Variants in ZFHX3 observed in about 807,000 individuals in gnomAD.
ZFHX3 encodes zinc finger homeobox protein 3.
Under a neutral mutation model 279.1 loss-of-function variants are expected in ZFHX3, and 42 were observed. The ratio of observed to expected loss-of-function variants is 0.15; its 90% CI spans 0.12 to 0.19. The LOEUF is 0.19. ZFHX3 is among the 10% of genes least tolerant of loss of function. The probability of loss-of-function intolerance (pLI) is 1.00; values close to 1 mark genes in which losing one functional copy is unlikely to be tolerated. For synonymous variants in ZFHX3, 2,293 were observed against 1,957.8 expected, an observed-to-expected ratio of 1.17 and a Z score of -4.52; for missense variants, 4,981 against 4,754.0, an observed-to-expected ratio of 1.05 and a Z score of -1.40.
intron 1 of ZFHX3, among the ~76,000 whole-genome samples, chr16:73,032,904 G>T (rs1340678826): frequency 6.6e-6 from 1 of 152,178 alleles, no homozygotes; most frequent in East Asian, 1.9e-4. Context: ...TTCACCTAAT[G>T]CTCCAGTAAA....
At chr16:73,195,554 G>T (rs570085396) in intron 5 of ZFHX3, among the ~76,000 whole-genome samples, 54 of 151,930 alleles carry the variant, frequency 3.6e-4, no homozygotes, top group African/African-American at 1.3e-3. Flanking sequence ...GAGCAGCTGG[G>T]ACTACAGGCA....
chr16:73,166,168 C>T (rs753311144), intron 5 of ZFHX3, among the ~76,000 whole-genome samples: 2 of 152,126 alleles, frequency 1.3e-5, no homozygotes, highest in Non-Finnish European at 2.9e-5. Flanking sequence ...GGCTTTATCT[C>T]AAAGCTGGGT....
chr16:73,810,135 T>A (rs1176951200), intron 1 of ZFHX3, among the ~76,000 whole-genome samples: 6 of 152,172 alleles, frequency 3.9e-5, no homozygotes, highest in Non-Finnish European at 1.5e-5. Context: ...TTGCCCTAAA[T>A]CTGGGCACAG....
intron 5 of ZFHX3, among the ~76,000 whole-genome samples, chr16:73,197,117 G>A (rs1354835893): frequency 6.6e-6 from 1 of 152,130 alleles, no homozygotes; most frequent in Non-Finnish European, 1.5e-5. Flanking sequence ...CAACTTTAAT[G>A]CATTTTTCTG....
chr16:72,989,168 T>C (rs1321735062), intron 1 of ZFHX3, among the ~76,000 whole-genome samples: 2 of 148,764 alleles, frequency 1.3e-5, no homozygotes, highest in African/African-American at 5.0e-5. Context: ...AGCAAGACGC[T>C]GTCTCAAATT....
At chr16:73,491,252 C>G (rs1391117562) in intron 2 of ZFHX3, among the ~76,000 whole-genome samples, 4 of 152,208 alleles carry the variant, frequency 2.6e-5, no homozygotes, top group Admixed American at 6.5e-5. Context: ...GTTATTGTGT[C>G]GGGGGCAGAG....
chr16:72,800,224 C>T, intron 7 of ZFHX3, 95 bp from the exon 8 acceptor site: 1 of 1,037,080 alleles, frequency 9.6e-7, no homozygotes, highest in Non-Finnish European at 1.5e-6. Context: ...TTAGCCTTCA[C>T]CAGTGTAAAG....
At chr16:73,364,132 C>T (rs1009009037) in intron 3 of ZFHX3, among the ~76,000 whole-genome samples, 2 of 151,532 alleles carry the variant, frequency 1.3e-5, no homozygotes, top group Non-Finnish European at 2.9e-5. Flanking sequence ...GAAATGGTAC[C>T]ACTGCACACT....
At chr16:73,113,760 GT>G (rs1183612561) in intron 7 of ZFHX3, among the ~76,000 whole-genome samples, 1 of 128,204 alleles carries the variant, frequency 7.8e-6, no homozygotes, top group Non-Finnish European at 1.7e-5. Context: ...AAAACAAATA[GT>G]TTTTCTCATG....
rs2018018093 is a variant in ZFHX3 at position 73,437,555 on chromosome 16, ACCT to A, written c.-1291+18445_-1291+18447del. ...AAATGAGACTCCCCCAAAGATTTTT[ACCT>A]CATCAGTATTAGTGTGTGCATTTTG... On this transcript the variant is annotated intron_variant, in intron 3 of 17. Coordinates refer to the ZFHX3 transcript ENST00000641206. Among the ~76,000 whole-genome samples, 5 of 152,194 alleles carry A rather than the reference ACCT, an allele frequency of 3.3e-5. No individual in the cohort carries two copies. The South Asian group carries it at 1.0e-3, about 32-fold the overall frequency.
In ZFHX3 at chr16:73,470,981, G is replaced by C. The variant is rs117778722; in HGVS notation, c.-1546-14723C>G. Among the ~76,000 whole-genome samples, 1,499 of 152,314 alleles carry C rather than the reference G, an allele frequency of 9.8e-3. 8 individuals are homozygous for C. Among genetic ancestry groups the C allele is most frequent in the Non-Finnish European group, 0.015 (1,036 of 68,026 alleles). ...GTGAGCATCTCACTAAGAAGAACAGGATTCTACAGTGTGGTTTGAGATTGC... is the reference window on the plus strand; with the variant it reads ...GTGAGCATCTCACTAAGAAGAACAGCATTCTACAGTGTGGTTTGAGATTGC... On this transcript the variant is annotated intron_variant, in intron 2 of 17. Transcript: ENST00000641206.
At chr16:73,183,113 G>A (rs1220432841) in intron 5 of ZFHX3, among the ~76,000 whole-genome samples, 1 of 152,178 alleles carries the variant, frequency 6.6e-6, no homozygotes, top group East Asian at 1.9e-4. Flanking sequence ...GCTGAGACAG[G>A]AGAATTGCTT....
intron 1 of ZFHX3, among the ~76,000 whole-genome samples, chr16:73,689,397 G>C (rs1187610568): frequency 6.6e-6 from 1 of 152,180 alleles, no homozygotes; most frequent in Non-Finnish European, 1.5e-5. Context: ...CATCATGCCT[G>C]AGCTATGTGC....
intron 1 of ZFHX3, among the ~76,000 whole-genome samples, chr16:73,000,421 A>AT (rs556172365): frequency 3.7e-4 from 56 of 152,074 alleles, no homozygotes; most frequent in African/African-American, 1.3e-3. Flanking sequence ...TCTGCTTTCC[A>AT]TTTTTTTCCT....
chr16:73,836,522 C>A (rs1296070148), intron 1 of ZFHX3, among the ~76,000 whole-genome samples: 2 of 152,152 alleles, frequency 1.3e-5, no homozygotes, highest in African/African-American at 4.8e-5. Flanking sequence ...CTGAAGTAGT[C>A]ATTAGAGCTA....
intron 5 of ZFHX3, among the ~76,000 whole-genome samples, chr16:73,162,141 C>A (rs1011591051): frequency 2.0e-5 from 3 of 152,178 alleles, no homozygotes; most frequent in African/African-American, 4.8e-5. Context: ...TCTTAGGAAC[C>A]AAGCCACACA....
intron 3 of ZFHX3, among the ~76,000 whole-genome samples, chr16:72,920,389 G>A: frequency 6.6e-6 from 1 of 152,008 alleles, no homozygotes; most frequent in Non-Finnish European, 1.5e-5. Context: ...TCAACTTAAA[G>A]AAACACACCA....
chr16:73,372,490 A>G (rs1434371475), intron 3 of ZFHX3, among the ~76,000 whole-genome samples: 2 of 152,212 alleles, frequency 1.3e-5, no homozygotes, highest in Non-Finnish European at 2.9e-5. Context: ...AATAATTTAT[A>G]CTCAAGTAAT....
At chr16:73,156,231 CAAA>C (rs60993308) in intron 5 of ZFHX3, among the ~76,000 whole-genome samples, 10 of 88,494 alleles carry the variant, frequency 1.1e-4, no homozygotes, top group African/African-American at 1.6e-4. Context: ...GACTCCCTCT[CAAA>C]AAAAAAAAAA....
Sources: allele counts gnomAD v4.1 joint callset (sites outside exome capture counted in the v4.1 genomes callset), GRCh38; gene constraint gnomAD v4.1.1; transcripts MANE v1.5; gene names NCBI Gene and HGNC (gene_info 2026-07-23, HGNC 2026-07-21).